The following ROBO1 variants were observed in gnomAD, a reference collection of about 807,000 sequenced individuals.
ROBO1 encodes the protein roundabout homolog 1.
Under a neutral mutation model 195.9 loss-of-function variants are expected in ROBO1, and 149 were observed. That is an observed-to-expected ratio of 0.76 (90% CI 0.67 to 0.87). ROBO1 has a LOEUF of 0.87. Ranked by LOEUF, ROBO1 falls within the 40% of genes least tolerant of loss-of-function variation. ROBO1 has a pLI of 0.00. For synonymous variants in ROBO1, 816 were observed against 733.2 expected (o/e 1.11, Z -1.82); for missense variants, 1,933 against 2,068.3 (o/e 0.93, Z 1.27).
intron 2 of ROBO1, among the ~76,000 whole-genome samples, chr3:79,374,926 A>C (rs2036331263): frequency 6.6e-6 from 1 of 152,142 alleles, no homozygotes; most frequent in Non-Finnish European, 1.5e-5. Context: ...TTTTATTCTT[A>C]CTGAATGTAC....
chr3:79,751,606 A>C (rs1704134226), intron 1 of ROBO1, among the ~76,000 whole-genome samples: 1 of 152,188 alleles, frequency 6.6e-6, no homozygotes, highest in South Asian at 2.1e-4. Flanking sequence ...TGTTAAATGT[A>C]CAAGTGAAGT....
chr3:79,572,308 C>CAT (rs1311815605), intron 2 of ROBO1, among the ~76,000 whole-genome samples: 2 of 152,002 alleles, frequency 1.3e-5, no homozygotes, highest in African/African-American at 4.8e-5. Flanking sequence ...TTTACATAAA[C>CAT]ATAACACATC....
At chr3:79,414,050 C>T (rs2037893215) in intron 2 of ROBO1, among the ~76,000 whole-genome samples, 1 of 152,050 alleles carries the variant, frequency 6.6e-6, no homozygotes, top group Non-Finnish European at 1.5e-5. Flanking sequence ...CCCATTTCTA[C>T]TTTATATACT....
At position 79,175,118 on chromosome 3, in the gene ROBO1, A is replaced by T. The variant is rs2081242965; in HGVS notation, c.89-49579T>A. On this transcript the variant is annotated intron_variant, in intron 2 of 30. Coordinates refer to ENST00000464233, the MANE Select transcript of ROBO1 (RefSeq NM_002941.4). ...ATGTTTTTTCAGGTAATAGTAATTT[A>T]CCATTAGCTGGATAGTTTATTTTAG... Among the ~76,000 whole-genome samples the T allele has an allele frequency of 3.3e-5, 5 of 152,248 alleles. No homozygotes were observed. In the South Asian group the frequency reaches 8.3e-4, roughly 25 times the overall value.
intron 2 of ROBO1, among the ~76,000 whole-genome samples, chr3:79,139,378 A>G (rs1190892299): frequency 6.6e-6 from 1 of 152,088 alleles, no homozygotes; most frequent in Admixed American, 6.6e-5. Flanking sequence ...TAATTTTAAA[A>G]CCATTTGTTT....
chr3:79,366,565 C>T (rs1382395569), intron 2 of ROBO1, among the ~76,000 whole-genome samples: 1 of 152,088 alleles, frequency 6.6e-6, no homozygotes, highest in Admixed American at 6.6e-5. Flanking sequence ...TTTATATGCC[C>T]TCCTTACTCA....
chr3:79,084,582 A>T (rs1197060144), intron 3 of ROBO1, among the ~76,000 whole-genome samples: 1 of 152,196 alleles, frequency 6.6e-6, no homozygotes, highest in Non-Finnish European at 1.5e-5. Context: ...ATTGCCAGGA[A>T]TTTCCTCAAA....
At chr3:78,616,597 A>T (rs1704127770) in intron 27 of ROBO1, among the ~76,000 whole-genome samples, 1 of 152,136 alleles carries the variant, frequency 6.6e-6, no homozygotes, top group African/African-American at 2.4e-5. Flanking sequence ...ACCATGGAAG[A>T]CTACCAATGT....
intron 2 of ROBO1, among the ~76,000 whole-genome samples, chr3:79,536,977 A>T (rs1232977148): frequency 6.6e-6 from 1 of 152,154 alleles, no homozygotes; most frequent in Admixed American, 6.5e-5. Flanking sequence ...TTAAGTAAGC[A>T]TTCAATAAAC....
intron 8 of ROBO1, among the ~76,000 whole-genome samples, chr3:78,711,885 T>C (rs2081760923): frequency 6.6e-6 from 1 of 151,512 alleles, no homozygotes; most frequent in African/African-American, 2.4e-5. Context: ...CTATTAGATG[T>C]CCAGTACCAT....
chr3:79,685,082 A>G (rs983267936), intron 1 of ROBO1, among the ~76,000 whole-genome samples: 6 of 152,136 alleles, frequency 3.9e-5, no homozygotes, highest in Non-Finnish European at 7.4e-5. Context: ...TTATTTGTAT[A>G]GTGACTTTCT....
At chr3:79,679,425 TG>T (rs1474182506) in intron 1 of ROBO1, among the ~76,000 whole-genome samples, 33 of 152,186 alleles carry the variant, frequency 2.2e-4, no homozygotes, top group African/African-American at 7.7e-4. Flanking sequence ...TTGGTGGTAA[TG>T]ACTATCATTT....
intron 2 of ROBO1, among the ~76,000 whole-genome samples, chr3:79,415,536 T>C (rs1423592851): frequency 6.6e-6 from 1 of 152,090 alleles, no homozygotes; most frequent in Non-Finnish European, 1.5e-5. Context: ...AAAGAGCTTG[T>C]CACATATTAG....
chr3:79,587,753 G>A (rs894296853), intron 2 of ROBO1, among the ~76,000 whole-genome samples: 2 of 151,584 alleles, frequency 1.3e-5, no homozygotes, highest in African/African-American at 4.8e-5. Context: ...ACAATTAGAA[G>A]AATCAAGACT....
At chr3:79,718,511 T>A (rs2107278654) in intron 1 of ROBO1, among the ~76,000 whole-genome samples, 1 of 152,124 alleles carries the variant, frequency 6.6e-6, no homozygotes, top group East Asian at 1.9e-4. Flanking sequence ...CATTCTTTGA[T>A]TTTTCTCACT....
At chr3:78,762,323 T>C (rs527799920) in intron 4 of ROBO1, among the ~76,000 whole-genome samples, 199 of 152,202 alleles carry the variant, frequency 1.3e-3, no homozygotes, top group African/African-American at 4.5e-3. Context: ...GATTTTTTAT[T>C]AGCTTTTAAA....
intron 3 of ROBO1, chr3:79,019,061 T>C (rs1576576269): frequency 1.0e-6 from 1 of 989,220 alleles, no homozygotes; most frequent in African/African-American, 1.7e-5. Context: ...GAGGGGGCGG[T>C]GCGGCGACAG....
At chr3:78,619,204 C>A (rs1206771504) in intron 26 of ROBO1, among the ~76,000 whole-genome samples, 1 of 151,984 alleles carries the variant, frequency 6.6e-6, no homozygotes, top group Non-Finnish European at 1.5e-5. Flanking sequence ...AAATTTTGCA[C>A]TCCTGAGAAG....
chr3:78,650,773 T>C (rs1233119705), intron 19 of ROBO1, among the ~76,000 whole-genome samples: 1 of 152,206 alleles, frequency 6.6e-6, no homozygotes, highest in Non-Finnish European at 1.5e-5. Flanking sequence ...CTATAATTTG[T>C]ATAATCTGCC....
Sources: gnomAD v4.1 joint callset for allele counts (sites outside exome capture counted in the v4.1 genomes callset) on GRCh38, gnomAD v4.1.1 for gene constraint, MANE v1.5 for transcripts, NCBI Gene and HGNC (gene_info 2026-07-23, HGNC 2026-07-21) for gene names.